CIMAP3: variants seen among roughly 807,000 people sequenced by gnomAD.
The protein encoded by CIMAP3 is ciliary microtubule associated protein 3.
the CIMAP3 span, among the ~76,000 whole-genome samples, chr1:111,331,222 G>C: frequency 1.3e-5 from 2 of 152,060 alleles, no homozygotes; most frequent in African/African-American, 4.8e-5. Flanking sequence ...CATTCTTTGA[G>C]CTTCCTGAAC....
the CIMAP3 span, among the ~76,000 whole-genome samples, chr1:111,332,908 C>A: frequency 6.6e-6 from 1 of 152,204 alleles, no homozygotes; most frequent in Non-Finnish European, 1.5e-5. Flanking sequence ...TACATATTTG[C>A]TCCACCAGCC....
chr1:111,331,302 C>G, the CIMAP3 span, among the ~76,000 whole-genome samples: 1 of 152,134 alleles, frequency 6.6e-6, no homozygotes, highest in Non-Finnish European at 1.5e-5. Context: ...ATGTTTCCCT[C>G]ACATTTTCTC....
At chr1:111,350,023 A>T in the CIMAP3 span, 1 of 1,060,144 alleles carries the variant, frequency 9.4e-7, no homozygotes, top group Non-Finnish European at 1.4e-6. Flanking sequence ...GGTTAGGCCT[A>T]GTCCAGGGAC....
chr1:111,324,864 G>A, the CIMAP3 span: 1 of 985,252 alleles, frequency 1.0e-6, no homozygotes, highest in Admixed American at 6.1e-5. Context: ...GGATCAGACA[G>A]CCATACATCT....
the CIMAP3 span, among the ~76,000 whole-genome samples, chr1:111,333,362 T>C: frequency 2.6e-5 from 4 of 152,166 alleles, no homozygotes; most frequent in Non-Finnish European, 5.9e-5. Context: ...CAGTGGCTAT[T>C]GGCCCCCAGA....
the CIMAP3 span, chr1:111,350,001 C>T: frequency 1.3e-6 from 1 of 787,596 alleles, no homozygotes; most frequent in African/African-American, 1.7e-5. Flanking sequence ...AATCTGTTGC[C>T]TTTTTCCAAG....
chr1:111,348,482 C>G, the CIMAP3 span: 1 of 1,563,532 alleles, frequency 6.4e-7, no homozygotes, highest in Non-Finnish European at 8.6e-7. Context: ...ATACATATCA[C>G]TCTGTAACAT....
At chr1:111,332,042 C>A in the CIMAP3 span, among the ~76,000 whole-genome samples, 1 of 152,108 alleles carries the variant, frequency 6.6e-6, no homozygotes, top group African/African-American at 2.4e-5. Flanking sequence ...TTAGTTTTGT[C>A]AGAGTGGGCT....
the CIMAP3 span, chr1:111,347,866 A>G: frequency 2.3e-5 from 20 of 859,866 alleles, no homozygotes. Flanking sequence ...GATCTAAAAG[A>G]ATATGCCCTG....
the CIMAP3 span, among the ~76,000 whole-genome samples, chr1:111,330,448 C>T: frequency 2.6e-5 from 4 of 152,132 alleles, no homozygotes; most frequent in Non-Finnish European, 4.4e-5. Flanking sequence ...GAGGGAGGCT[C>T]GTTAGTGAGG....
At chr1:111,345,702 G>T in the CIMAP3 span, among the ~76,000 whole-genome samples, 2 of 152,194 alleles carry the variant, frequency 1.3e-5, no homozygotes, top group Admixed American at 6.5e-5. Flanking sequence ...GTATGGACCA[G>T]TCACACTGGG....
chr1:111,351,166 GTTTTT>G, the CIMAP3 span: 90,769 of 568,258 alleles, frequency 0.16, 2,390 homozygotes, highest in East Asian at 0.26. Context: ...ATAATGTACA[GTTTTT>G]TTTTTTTTTT....
the CIMAP3 span, chr1:111,346,471 C>T: frequency 1.2e-6 from 1 of 807,132 alleles, no homozygotes; most frequent in African/African-American, 1.8e-5. Flanking sequence ...TTACAATCCC[C>T]TGGGCTTTGG....
At chr1:111,327,459 G>T in the CIMAP3 span, among the ~76,000 whole-genome samples, 120 of 152,166 alleles carry the variant, frequency 7.9e-4, no homozygotes, top group African/African-American at 2.6e-3. Flanking sequence ...ACTTCTGGTA[G>T]AATTCTGCTG....
chr1:111,333,845 C>G, the CIMAP3 span, among the ~76,000 whole-genome samples: 1 of 152,220 alleles, frequency 6.6e-6, no homozygotes, highest in Non-Finnish European at 1.5e-5. Context: ...TGTCAGGCAT[C>G]TGCAATCAGC....
chr1:111,346,401 C>T, the CIMAP3 span: 4 of 479,854 alleles, frequency 8.3e-6, no homozygotes, highest in Non-Finnish European at 1.5e-5. Flanking sequence ...CCCCGTCAAC[C>T]CTGCAGCCCC....
the CIMAP3 span, among the ~76,000 whole-genome samples, chr1:111,331,273 G>A: frequency 1.3e-5 from 2 of 152,090 alleles, no homozygotes; most frequent in African/African-American, 2.4e-5. Context: ...GAAGTTTTTT[G>A]ATATTATTTC....
the CIMAP3 span, chr1:111,351,538 G>C: frequency 2.6e-6 from 1 of 388,478 alleles, no homozygotes; most frequent in South Asian, 9.7e-5. Context: ...ACACGTGCAT[G>C]TCTGGGTCTG....
the CIMAP3 span, among the ~76,000 whole-genome samples, chr1:111,331,604 A>G: frequency 6.6e-6 from 1 of 151,550 alleles, no homozygotes; most frequent in Non-Finnish European, 1.5e-5. Flanking sequence ...TGTTTTCCTT[A>G]TTTCATTGAA....
Sources: gnomAD v4.1 joint callset for allele counts (sites outside exome capture counted in the v4.1 genomes callset) on GRCh38, gnomAD v4.1.1 for gene constraint, MANE v1.5 for transcripts, NCBI Gene and HGNC (gene_info 2026-07-23, HGNC 2026-07-21) for gene names.